Variants in IKZF2 observed in about 807,000 individuals in gnomAD.
IKZF2 encodes the protein IKAROS family zinc finger 2.
A neutral mutation model predicts 49.2 loss-of-function variants in IKZF2; 15 were observed. The ratio of observed to expected loss-of-function variants is 0.30; its 90% CI spans 0.20 to 0.47. IKZF2 has a LOEUF of 0.47. IKZF2 is among the 20% of genes least tolerant of loss of function. The probability of loss-of-function intolerance (pLI) is 1.00; values close to 1 mark genes in which losing one functional copy is unlikely to be tolerated. For synonymous variants in IKZF2, 227 were observed against 221.4 expected (o/e 1.03, Z -0.23); for missense variants, 567 against 664.6 (o/e 0.85, Z 1.61).
chr2:213,119,595 A>G (rs2059985453), intron 4 of IKZF2, among the ~76,000 whole-genome samples: 1 of 152,216 alleles, frequency 6.6e-6, no homozygotes, highest in South Asian at 2.1e-4. Context: ...AGTCCCTAGT[A>G]ATTTTGTGTA....
At chr2:213,041,524 G>A (rs559243282) in intron 6 of IKZF2, among the ~76,000 whole-genome samples, 9 of 151,956 alleles carry the variant, frequency 5.9e-5, no homozygotes, top group Non-Finnish European at 1.0e-4. Context: ...GAATGGTCTC[G>A]ATCTCCTGAC....
At chr2:213,087,159 A>T (rs1704717825) in intron 4 of IKZF2, among the ~76,000 whole-genome samples, 1 of 152,160 alleles carries the variant, frequency 6.6e-6, no homozygotes, top group Non-Finnish European at 1.5e-5. Flanking sequence ...TTGATATGCA[A>T]TGTATAGTAA....
intron 6 of IKZF2, among the ~76,000 whole-genome samples, chr2:213,037,375 T>C (rs1239704961): frequency 6.6e-6 from 1 of 152,230 alleles, no homozygotes; most frequent in Non-Finnish European, 1.5e-5. Context: ...GCATGACTAC[T>C]ACAATTCATA....
intron 4 of IKZF2, among the ~76,000 whole-genome samples, chr2:213,108,707 T>C (rs1302757224): frequency 2.0e-5 from 3 of 152,156 alleles, no homozygotes; most frequent in African/African-American, 7.2e-5. Flanking sequence ...TAGGTTCTAC[T>C]CATCCTACAA....
chr2:213,138,745 A>T (rs960038253), intron 4 of IKZF2, among the ~76,000 whole-genome samples: 5 of 152,066 alleles, frequency 3.3e-5, no homozygotes, highest in Admixed American at 1.3e-4. Context: ...TAATTAAGAC[A>T]GCTTTCCTAC....
chr2:213,098,674 A>T (rs191638239), intron 4 of IKZF2, among the ~76,000 whole-genome samples: 9 of 152,298 alleles, frequency 5.9e-5, no homozygotes, highest in African/African-American at 1.4e-4. Context: ...CAGGAAAAAA[A>T]ATATATAGGA....
Position 213,007,704 on chromosome 2 carries a change from T to C in IKZF2, c.1237A>G (p.Ser413Gly). 1 of 1,613,802 alleles carries C rather than the reference T, an allele frequency of 6.2e-7. No homozygotes were observed. Among genetic ancestry groups the C allele is most frequent in the Non-Finnish European group, 8.5e-7 (1 of 1,179,766 alleles). ...TGGTAGGACTGGTGGTCATCATGGC[T>C]GCTTTCTGAGTCAGTGGAATCCAGG... is the stretch of plus-strand genomic sequence containing the variant. ...SCLDSTDSESSHDDHQSYQGH... is the reference protein window; with the variant it reads ...SCLDSTDSESGHDDHQSYQGH... Residue 413 changes from serine (S) to glycine (G), a missense_variant, in exon 9 of 9, where the codon AGC (serine) becomes GGC (glycine). Ser to Gly is a moderately conservative substitution (Grantham distance 56). Coordinates refer to ENST00000434687, the MANE Select transcript of IKZF2 (RefSeq NM_001387220.1).
chr2:213,143,839 A>C (rs537666154), intron 4 of IKZF2, among the ~76,000 whole-genome samples: 1 of 152,024 alleles, frequency 6.6e-6, no homozygotes, highest in East Asian at 1.9e-4. Flanking sequence ...TAACTCTTCT[A>C]TTTCTGAGAT....
At chr2:213,027,746 A>T (rs1056885780) in intron 6 of IKZF2, among the ~76,000 whole-genome samples, 1 of 151,966 alleles carries the variant, frequency 6.6e-6, no homozygotes, top group Non-Finnish European at 1.5e-5. Context: ...ACTAACCTCC[A>T]AAGTTTCTTT....
chr2:213,004,110 C>T lies in IKZF2; in HGVS notation c.*3250G>A, dbSNP rs1471728078. The T allele has an allele frequency of 6.6e-6, 1 of 151,770 alleles. No homozygotes were observed. Among genetic ancestry groups the T allele is most frequent in the Non-Finnish European group, 1.5e-5 (1 of 67,808 alleles). The allele number at this position is 151,770 out of a possible 1,614,324, so 9.4% of individuals were successfully genotyped here. A position where few individuals can be genotyped will look rare whatever the true frequency, so the allele number is the denominator to read the frequency against. Reference sequence around the variant, plus strand: ...TTCTCTGTATGTTTTTGCAATACATCTGATCACTCCAACTGCTTTTTTTTC... The same window carrying T: ...TTCTCTGTATGTTTTTGCAATACATTTGATCACTCCAACTGCTTTTTTTTC... On this transcript the variant is annotated 3_prime_UTR_variant, in exon 9 of 9. Transcript: ENST00000434687.
chr2:213,034,996 C>T (rs1231416121), intron 6 of IKZF2, among the ~76,000 whole-genome samples: 1 of 152,256 alleles, frequency 6.6e-6, no homozygotes, highest in Admixed American at 6.5e-5. Context: ...CCAAAATAAT[C>T]AATTCAGAAG....
intron 4 of IKZF2, among the ~76,000 whole-genome samples, chr2:213,141,686 C>A (rs1487529089): frequency 1.3e-5 from 2 of 151,850 alleles, no homozygotes; most frequent in Non-Finnish European, 2.9e-5. Flanking sequence ...ACCTCTCATC[C>A]CCCGTAATAA....
chr2:213,009,739 G>C (rs1173965122), intron 8 of IKZF2, among the ~76,000 whole-genome samples: 11 of 152,010 alleles, frequency 7.2e-5, no homozygotes, highest in Admixed American at 7.2e-4. Context: ...ATGTGTGATG[G>C]GGTCAAATAA....
intron 4 of IKZF2, among the ~76,000 whole-genome samples, chr2:213,099,767 A>C (rs887572480): frequency 6.6e-6 from 1 of 151,990 alleles, no homozygotes; most frequent in Non-Finnish European, 1.5e-5. Flanking sequence ...CACATTTTTA[A>C]CCTCTCTGAC....
At chr2:213,091,531 C>T (rs1705332404) in intron 4 of IKZF2, among the ~76,000 whole-genome samples, 1 of 152,142 alleles carries the variant, frequency 6.6e-6, no homozygotes. Flanking sequence ...TTTATCAAAC[C>T]TGTGCATGAC....
At chr2:213,020,074 C>T (rs1265200796) in intron 7 of IKZF2, among the ~76,000 whole-genome samples, 1 of 152,000 alleles carries the variant, frequency 6.6e-6, no homozygotes, top group Non-Finnish European at 1.5e-5. Context: ...AAATGCATAA[C>T]GCCATCAAAT....
chr2:213,032,944 T>C (rs1234421880), intron 6 of IKZF2, among the ~76,000 whole-genome samples: 2 of 152,332 alleles, frequency 1.3e-5, no homozygotes, highest in Admixed American at 6.5e-5. Flanking sequence ...TAGCATGTGA[T>C]GCTATTTGAT....
chr2:213,038,339 G>A (rs1200054241), intron 6 of IKZF2, among the ~76,000 whole-genome samples: 1 of 152,174 alleles, frequency 6.6e-6, no homozygotes, highest in Non-Finnish European at 1.5e-5. Context: ...GACTACAGGC[G>A]TGAGCCACCG....
intron 6 of IKZF2, among the ~76,000 whole-genome samples, chr2:213,026,896 G>C (rs773107274): frequency 2.4e-4 from 37 of 151,942 alleles, no homozygotes; most frequent in Non-Finnish European, 5.0e-4. Context: ...GAATTATTCA[G>C]TTTGCTCAGC....
Sources: allele counts gnomAD v4.1 joint callset (sites outside exome capture counted in the v4.1 genomes callset), GRCh38; gene constraint gnomAD v4.1.1; transcripts MANE v1.5; gene names NCBI Gene and HGNC (gene_info 2026-07-23, HGNC 2026-07-21).